Variants in C8orf34 observed in about 807,000 individuals in gnomAD.
C8orf34 encodes the protein chromosome 8 open reading frame 34.
C8orf34 carries 65 observed loss-of-function variants against 68.3 expected under a neutral mutation model. The observed-to-expected ratio is 0.95, with a 90% CI of 0.78 to 1.17. The LOEUF is 1.17. Ranked by LOEUF, C8orf34 falls within the 50% of genes most tolerant of loss-of-function variation. C8orf34 has a pLI of 0.00. For missense variants in C8orf34, 664 were observed against 655.4 expected (o/e 1.01, Z -0.14); for synonymous variants, 244 against 241.2 (o/e 1.01, Z -0.11).
intron 7 of C8orf34, among the ~76,000 whole-genome samples, chr8:68,550,083 A>T (rs1816015415): frequency 6.6e-6 from 1 of 151,748 alleles, no homozygotes; most frequent in African/African-American, 2.4e-5. Flanking sequence ...TTAACATTTA[A>T]AGTAATTATT....
At chr8:68,403,652 G>T (rs1377623293) in intron 1 of C8orf34, among the ~76,000 whole-genome samples, 1 of 151,996 alleles carries the variant, frequency 6.6e-6, no homozygotes, top group African/African-American at 2.4e-5. Context: ...TTCTGTTCCT[G>T]TGTTAGTTTG....
At chr8:68,340,166 C>A (rs1022932208) in intron 1 of C8orf34, among the ~76,000 whole-genome samples, 9 of 151,968 alleles carry the variant, frequency 5.9e-5, no homozygotes, top group South Asian at 2.1e-4. Context: ...AGTGGGAATG[C>A]AAAATGGTCC....
At chr8:68,631,092 C>A (rs778580925) in intron 7 of C8orf34, among the ~76,000 whole-genome samples, 12 of 151,742 alleles carry the variant, frequency 7.9e-5, no homozygotes, top group Non-Finnish European at 1.0e-4. Context: ...TAGGGAAACC[C>A]CATCTCTACT....
chr8:68,373,942 G>A (rs1297432179), intron 1 of C8orf34, among the ~76,000 whole-genome samples: 1 of 151,986 alleles, frequency 6.6e-6, no homozygotes, highest in Admixed American at 6.6e-5. Context: ...TCTCAGATAG[G>A]GTCTTATCTG....
chr8:68,486,196 C>T (rs1314204978), intron 4 of C8orf34, among the ~76,000 whole-genome samples: 1 of 152,108 alleles, frequency 6.6e-6, no homozygotes, highest in African/African-American at 2.4e-5. Flanking sequence ...TAGGTCTTCA[C>T]AAATGTTTAT....
intron 5 of C8orf34, among the ~76,000 whole-genome samples, chr8:68,505,454 G>A (rs1015843862): frequency 1.4e-5 from 2 of 138,082 alleles, no homozygotes; most frequent in Admixed American, 6.8e-5. Flanking sequence ...AACATGGGCC[G>A]GGCGCGGTGG....
intron 7 of C8orf34, among the ~76,000 whole-genome samples, chr8:68,638,624 C>T (rs751213803): frequency 9.9e-5 from 15 of 151,794 alleles, no homozygotes; most frequent in Non-Finnish European, 1.6e-4. Flanking sequence ...TTTCAGAGCA[C>T]GCCAAAGTCA....
chr8:68,439,344 T>G, intron 1 of C8orf34, 155 bp from the exon 2 acceptor site: 1 of 594,512 alleles, frequency 1.7e-6, no homozygotes. Context: ...GGCAGTAACT[T>G]GTAGCCGTCT....
chr8:68,666,705 G>A (rs1819853014), intron 8 of C8orf34, among the ~76,000 whole-genome samples: 1 of 152,084 alleles, frequency 6.6e-6, no homozygotes, highest in Admixed American at 6.6e-5. Context: ...AAATTTGCTT[G>A]CGTGTATTTT....
chr8:68,638,736 G>A (rs1025230287), intron 7 of C8orf34, among the ~76,000 whole-genome samples: 5 of 151,008 alleles, frequency 3.3e-5, no homozygotes, highest in African/African-American at 7.3e-5. Flanking sequence ...AGTTGAGTAC[G>A]TACAATATTT....
intron 7 of C8orf34, among the ~76,000 whole-genome samples, chr8:68,573,526 TTGTAC>T (rs1475562616): frequency 1.3e-5 from 2 of 152,138 alleles, no homozygotes; most frequent in Admixed American, 6.6e-5. Flanking sequence ...GATTTATTCG[TTGTAC>T]TAATAAGATT....
intron 8 of C8orf34, among the ~76,000 whole-genome samples, chr8:68,700,544 A>G (rs1296627352): frequency 6.6e-6 from 1 of 152,124 alleles, no homozygotes; most frequent in Non-Finnish European, 1.5e-5. Flanking sequence ...TCAGATAGAC[A>G]GCATTTGAAT....
chr8:68,451,918 T>G (rs1811361747), intron 3 of C8orf34, among the ~76,000 whole-genome samples: 1 of 152,032 alleles, frequency 6.6e-6, no homozygotes, highest in Non-Finnish European at 1.5e-5. Flanking sequence ...CATTATAAAG[T>G]GAAATACAGT....
At chr8:68,643,708 T>C (rs951046398) in intron 8 of C8orf34, among the ~76,000 whole-genome samples, 5 of 152,106 alleles carry the variant, frequency 3.3e-5, no homozygotes, top group South Asian at 4.1e-4. Context: ...CCTAATCACC[T>C]CCCAATATCC....
chr8:68,445,141 T>C (rs2129626609), intron 2 of C8orf34, among the ~76,000 whole-genome samples: 1 of 152,304 alleles, frequency 6.6e-6, no homozygotes, highest in African/African-American at 2.4e-5. Flanking sequence ...CATGCCTTTT[T>C]GGTATTTAAT....
intron 4 of C8orf34, among the ~76,000 whole-genome samples, chr8:68,469,795 T>C (rs1321162635): frequency 6.6e-6 from 1 of 152,006 alleles, no homozygotes; most frequent in Admixed American, 6.6e-5. Context: ...TCTATTTTTA[T>C]TTTAGATTGC....
intron 8 of C8orf34, among the ~76,000 whole-genome samples, chr8:68,644,211 G>A (rs1404012337): frequency 2.6e-5 from 4 of 152,306 alleles, no homozygotes; most frequent in South Asian, 2.1e-4. Context: ...TGAGATTTAG[G>A]AGCTTATATA....
In C8orf34 at chr8:68,680,418, G is replaced by T. The variant is rs192296924; in HGVS notation, c.1242-28576G>T. On this transcript the variant is annotated intron_variant, in intron 8 of 13. Coordinates refer to ENST00000518698, the MANE Select transcript of C8orf34 (RefSeq NM_052958.4). Reference sequence around the variant, plus strand: ...CAGCTGAGAAATAAAGAGAAAGAGTGCAAAGAGAGGAATTTTACAGCTGGG... The same window carrying T: ...CAGCTGAGAAATAAAGAGAAAGAGTTCAAAGAGAGGAATTTTACAGCTGGG... 1.9e-3 allele frequency among the ~76,000 whole-genome samples: 291 copies of T among 152,308 alleles called. 2 individuals carry two copies. Among genetic ancestry groups the T allele is most frequent in the African/African-American group, 6.9e-3 (286 of 41,568 alleles).
chr8:68,589,854 G>A (rs997291416), intron 7 of C8orf34, among the ~76,000 whole-genome samples: 2 of 140,952 alleles, frequency 1.4e-5, no homozygotes, highest in African/African-American at 5.2e-5. Context: ...GAAAAAGAGA[G>A]AAATGAGTGA....
Sources: allele counts gnomAD v4.1 joint callset (sites outside exome capture counted in the v4.1 genomes callset), GRCh38; gene constraint gnomAD v4.1.1; transcripts MANE v1.5; gene names NCBI Gene and HGNC (gene_info 2026-07-23, HGNC 2026-07-21).